Variants in FAT3 observed in about 807,000 individuals in gnomAD.
FAT3 encodes FAT atypical cadherin 3.
A neutral mutation model predicts 310.2 loss-of-function variants in FAT3; 95 were observed. That is an observed-to-expected ratio of 0.31 (90% CI 0.26 to 0.36). The LOEUF (loss-of-function observed/expected upper bound fraction) is 0.36. FAT3 is among the 10% of genes least tolerant of loss of function. FAT3 has a pLI of 1.00. For synonymous variants in FAT3, 2,314 were observed against 2,192.9 expected, an observed-to-expected ratio of 1.06 and a Z score of -1.54; for missense variants, 5,408 against 5,715.6, an observed-to-expected ratio of 0.95 and a Z score of 1.74.
At chr11:92,485,213 T>C (rs1952343077) in intron 2 of FAT3, among the ~76,000 whole-genome samples, 1 of 152,258 alleles carries the variant, frequency 6.6e-6, no homozygotes. Flanking sequence ...CTGGGAATTC[T>C]AGTATTGGTT....
chr11:92,230,439 G>T (rs1053628380), intron 1 of FAT3, among the ~76,000 whole-genome samples: 6 of 149,456 alleles, frequency 4.0e-5, no homozygotes. Context: ...GATTACAGGC[G>T]CACACCACCA....
At chr11:92,684,958 C>T (rs528236) in intron 3 of FAT3, among the ~76,000 whole-genome samples, 75,424 of 152,046 alleles carry the variant, frequency 0.5, 18,992 homozygotes, top group African/African-American at 0.55. Context: ...GAAGGATTAA[C>T]TCATCAAACT....
Position 92,293,553 on chromosome 11 carries a change from A to ATATATATATAT in FAT3, c.-17-58543_-17-58542insTATATATATAT, listed in dbSNP as rs1565206851. On this transcript the variant is annotated intron_variant, in intron 1 of 27. Transcript: ENST00000525166. ...ATATATATATATATATATATATATA[A>ATATATATATAT]ATAAAATATATTCCTTCCAATTTCA... Among the ~76,000 whole-genome samples the ATATATATATAT allele has an allele frequency of 1.3e-3, 21 of 16,114 alleles. 1 individual carries two copies. Among genetic ancestry groups the ATATATATATAT allele is most frequent in the African/African-American group, 2.5e-3 (17 of 6,782 alleles). The allele number at this position is 16,114 out of a possible 152,430, so 10.6% of individuals were successfully genotyped here. A position where few individuals can be genotyped will look rare whatever the true frequency, so the allele number is the denominator to read the frequency against.
intron 13 of FAT3, among the ~76,000 whole-genome samples, chr11:92,811,588 G>T (rs904110289): frequency 6.6e-6 from 1 of 152,152 alleles, no homozygotes; most frequent in Non-Finnish European, 1.5e-5. Flanking sequence ...AGATGGCCAG[G>T]TTGGGAGTTG....
intron 3 of FAT3, among the ~76,000 whole-genome samples, chr11:92,690,972 A>G (rs955972777): frequency 1.3e-5 from 2 of 152,210 alleles, no homozygotes; most frequent in African/African-American, 4.8e-5. Flanking sequence ...TATGCATAGG[A>G]TGTTTAATTT....
Position 92,798,208 on chromosome 11 carries a change from A to C in FAT3, c.5195A>C (p.Glu1732Ala), listed in dbSNP as rs370508281. 1.9e-6 allele frequency: 3 copies of C among 1,613,838 alleles called. No homozygotes were observed. The African/African-American group carries it at 4.0e-5, about 22-fold the overall frequency. ...VITTQKALDYERTSSYQLIIQ... is the reference protein window; with the variant it reads ...VITTQKALDYARTSSYQLIIQ... ...ACCACTCAGAAGGCCCTGGATTATG[A>C]GCGCACATCCTCTTATCAACTCATC... The change falls in exon 10 of 28, where the codon GAG becomes GCG. Residue 1732 changes from glutamate (E) to alanine (A), a missense_variant. Around this residue, in one of 5 missense-constraint regions of FAT3, gnomAD observed 4,588 missense variants for 4,809.8 expected, o/e 0.95. Coordinates refer to ENST00000525166, the MANE Select transcript of FAT3 (RefSeq NM_001367949.2).
intron 4 of FAT3, among the ~76,000 whole-genome samples, chr11:92,709,142 A>G (rs1314236767): frequency 1.3e-5 from 2 of 152,250 alleles, no homozygotes; most frequent in Non-Finnish European, 2.9e-5. Context: ...AGGCCTGTCC[A>G]GCCTTATCAC....
chr11:92,324,774 G>A (rs1947722108), intron 1 of FAT3, among the ~76,000 whole-genome samples: 1 of 152,228 alleles, frequency 6.6e-6, no homozygotes, highest in African/African-American at 2.4e-5. Context: ...GTGCAATACA[G>A]TGAAGTGCAA....
At chr11:92,412,734 T>TATATATATACAC (rs1565296392) in intron 2 of FAT3, among the ~76,000 whole-genome samples, 35 of 11,880 alleles carry the variant, frequency 2.9e-3, no homozygotes, top group East Asian at 0.012. Context: ...TATATATATA[T>TATATATATACAC]ATATATATAT....
rs529686874 is a variant in FAT3 at position 92,373,070 on chromosome 11, A to C, written c.3292+17666A>C. Among the ~76,000 whole-genome samples, 45 of 152,294 alleles carry C rather than the reference A, an allele frequency of 3.0e-4. No homozygotes were observed. In the South Asian group the frequency reaches 8.7e-3, roughly 29 times the overall value. On this transcript the variant is annotated intron_variant, in intron 2 of 27. Transcript: ENST00000525166. Reference sequence around the variant, plus strand: ...TTCATGAGCTGGAAATTGGGAGGGAAGTAGAGGGGCTGAAGTGAAGGAGTT... The same window carrying C: ...TTCATGAGCTGGAAATTGGGAGGGACGTAGAGGGGCTGAAGTGAAGGAGTT...
chr11:92,385,481 C>T (rs558208708), intron 2 of FAT3, among the ~76,000 whole-genome samples: 1 of 152,084 alleles, frequency 6.6e-6, no homozygotes, highest in South Asian at 2.1e-4. Flanking sequence ...GATTCTCGTG[C>T]CTCAGCCTCC....
intron 3 of FAT3, among the ~76,000 whole-genome samples, chr11:92,666,804 G>A (rs529833549): frequency 1.8e-4 from 27 of 152,230 alleles, no homozygotes; most frequent in African/African-American, 4.1e-4. Context: ...CCATATTGCC[G>A]CAAGACAGTA....
At chr11:92,598,445 G>A (rs1313592127) in intron 3 of FAT3, among the ~76,000 whole-genome samples, 4 of 151,882 alleles carry the variant, frequency 2.6e-5, no homozygotes, top group African/African-American at 4.8e-5. Flanking sequence ...GGCTGATCCC[G>A]AATTCCTGGT....
chr11:92,456,236 C>T (rs1010452179), intron 2 of FAT3, among the ~76,000 whole-genome samples: 3 of 152,146 alleles, frequency 2.0e-5, no homozygotes, highest in African/African-American at 4.8e-5. Context: ...CTATCAAACA[C>T]CTAAACCAGT....
intron 1 of FAT3, among the ~76,000 whole-genome samples, chr11:92,298,175 G>A (rs1946899293): frequency 6.6e-6 from 1 of 152,092 alleles, no homozygotes; most frequent in African/African-American, 2.4e-5. Context: ...GATCTGAGCA[G>A]GGGAACATTT....
chr11:92,379,719 T>A (rs560646718), intron 2 of FAT3, among the ~76,000 whole-genome samples: 2 of 152,336 alleles, frequency 1.3e-5, no homozygotes, highest in South Asian at 4.1e-4. Context: ...AAAAACATCA[T>A]TAAGTACTAG....
At chr11:92,577,358 C>T (rs1938537169) in intron 3 of FAT3, among the ~76,000 whole-genome samples, 1 of 152,020 alleles carries the variant, frequency 6.6e-6, no homozygotes, top group East Asian at 1.9e-4. Context: ...ATCCACCCAC[C>T]TCACCTCCCA....
intron 4 of FAT3, among the ~76,000 whole-genome samples, chr11:92,726,588 C>G (rs1469490193): frequency 6.6e-6 from 1 of 152,038 alleles, no homozygotes; most frequent in Admixed American, 6.6e-5. Context: ...CTTGAAATGA[C>G]CCCTTCACAC....
intron 2 of FAT3, among the ~76,000 whole-genome samples, chr11:92,497,698 A>G (rs1366960621): frequency 3.9e-5 from 6 of 152,176 alleles, no homozygotes; most frequent in African/African-American, 1.4e-4. Context: ...CAATAGGACA[A>G]GGATACTATA....
Sources: gnomAD v4.1 joint callset for allele counts (sites outside exome capture counted in the v4.1 genomes callset) on GRCh38, gnomAD v4.1.1 for gene constraint, gnomAD v4.1.1 regional missense constraint, MANE v1.5 for transcripts, NCBI Gene and HGNC (gene_info 2026-07-23, HGNC 2026-07-21) for gene names.